WDHD1: variants seen among roughly 807,000 people sequenced by gnomAD.
WDHD1 encodes the protein WD repeat and HMG-box DNA-binding protein 1.
Under a neutral mutation model 135.4 loss-of-function variants are expected in WDHD1, and 111 were observed. The observed-to-expected ratio is 0.82, with a 90% CI of 0.70 to 0.96. The LOEUF (loss-of-function observed/expected upper bound fraction) is 0.96, where lower values mean the gene tolerates loss of function less well. WDHD1 is among the 40% of genes least tolerant of loss of function. WDHD1 has a pLI of 0.00. For missense variants in WDHD1, 1,351 were observed against 1,336.3 expected (o/e 1.01, Z -0.17); for synonymous variants, 434 against 439.0 (o/e 0.99, Z 0.14).
At chr14:54,982,018 T>C (rs2041626493) in intron 15 of WDHD1, among the ~76,000 whole-genome samples, 1 of 151,710 alleles carries the variant, frequency 6.6e-6, no homozygotes, top group Non-Finnish European at 1.5e-5. Context: ...ATTATTATTT[T>C]TTTTTTCGAG....
At chr14:54,971,567 A>G (rs2041432708) in intron 16 of WDHD1, among the ~76,000 whole-genome samples, 1 of 152,122 alleles carries the variant, frequency 6.6e-6, no homozygotes, top group African/African-American at 2.4e-5. Context: ...CACTGTTGAA[A>G]GAAACCATAG....
chr14:54,969,070 G>A (rs1313650693), intron 16 of WDHD1, among the ~76,000 whole-genome samples: 4 of 152,024 alleles, frequency 2.6e-5, no homozygotes, highest in Middle Eastern at 3.4e-3. Flanking sequence ...ACGGAGTCTC[G>A]CTTTGTTGCC....
intron 7 of WDHD1, among the ~76,000 whole-genome samples, chr14:55,003,234 G>A (rs2042004124): frequency 6.6e-6 from 1 of 152,068 alleles, no homozygotes; most frequent in Non-Finnish European, 1.5e-5. Flanking sequence ...CATGGGCTGG[G>A]TGTGGTAGCT....
rs78145109 is a variant in WDHD1, at chr14:54,999,450, G to A, written c.942+1053C>T. On this transcript the variant is annotated intron_variant, in intron 10 of 25. Coordinates refer to ENST00000360586, the MANE Select transcript of WDHD1 (RefSeq NM_007086.4). ...CCTGTTTTCAGCCCCACTTCTAGAA[G>A]CACCTAGTGCTACCAAATTCTGAAT... Among the ~76,000 whole-genome samples, 220 of 152,294 alleles carry A rather than the reference G, an allele frequency of 1.4e-3. 2 individuals carry two copies. Among genetic ancestry groups the A allele is most frequent in the Admixed American group, 0.011 (170 of 15,300 alleles).
chr14:55,013,217 A>AAAAAAAAAAAAAAAAAAAC (rs2042202296), intron 3 of WDHD1, among the ~76,000 whole-genome samples: 1 of 146,278 alleles, frequency 6.8e-6, no homozygotes, highest in African/African-American at 2.5e-5. Flanking sequence ...AAAAAAAAAA[A>AAAAAAAAAAAAAAAAAAAC]ATTGGTGGGG....
At chr14:54,978,898 G>A (rs2041571418) in intron 16 of WDHD1, among the ~76,000 whole-genome samples, 1 of 152,092 alleles carries the variant, frequency 6.6e-6, no homozygotes, top group African/African-American at 2.4e-5. Flanking sequence ...CTGCATTTGT[G>A]CCTATTTTTT....
chr14:54,983,170 A>C (rs2041645289), intron 15 of WDHD1, among the ~76,000 whole-genome samples: 1 of 152,008 alleles, frequency 6.6e-6, no homozygotes, highest in African/African-American at 2.4e-5. Context: ...CGTCAAAAAA[A>C]CCACAAACAC....
At chr14:55,001,483 G>A (rs907881616) in intron 8 of WDHD1, among the ~76,000 whole-genome samples, 3 of 151,728 alleles carry the variant, frequency 2.0e-5, no homozygotes, top group Admixed American at 1.3e-4. Flanking sequence ...AGTTGGTTTC[G>A]GATTCCTGGC....
intron 25 of WDHD1, among the ~76,000 whole-genome samples, chr14:54,942,036 G>A (rs1327248570): frequency 6.6e-6 from 1 of 152,018 alleles, no homozygotes; most frequent in African/African-American, 2.4e-5. Flanking sequence ...GGATCACGGG[G>A]TCAGGAGACT....
chr14:55,007,751 G>A (rs2042096770), intron 6 of WDHD1, among the ~76,000 whole-genome samples: 1 of 152,158 alleles, frequency 6.6e-6, no homozygotes, highest in Non-Finnish European at 1.5e-5. Flanking sequence ...GCTCAAGAAT[G>A]AAGGGAAGGA....
intron 4 of WDHD1, 93 bp from the exon 5 acceptor site, chr14:55,008,812 T>C: frequency 1.0e-6 from 1 of 988,162 alleles, no homozygotes. Flanking sequence ...TTTTTTTTTT[T>C]CTTTTTGAGA....
At chr14:55,018,897 C>T (rs8022664) in intron 2 of WDHD1, among the ~76,000 whole-genome samples, 4,878 of 152,284 alleles carry the variant, frequency 0.032, 256 homozygotes, top group African/African-American at 0.11. Flanking sequence ...GTGGCGCATG[C>T]CTGTAATCCC....
chr14:54,946,799 T>A (rs1772760971), intron 24 of WDHD1, among the ~76,000 whole-genome samples: 1 of 152,198 alleles, frequency 6.6e-6, no homozygotes, highest in Admixed American at 6.5e-5. Context: ...ACCCCAGCAC[T>A]TTGGGAAGCC....
chr14:55,013,391 A>G, intron 3 of WDHD1, 94 bp downstream of exon 3: 1 of 774,708 alleles, frequency 1.3e-6, no homozygotes, highest in South Asian at 1.8e-5. Flanking sequence ...AGATAAACAA[A>G]GGTATATCTA....
At chr14:54,996,712 G>A (rs1056152415) in intron 10 of WDHD1, among the ~76,000 whole-genome samples, 2 of 135,784 alleles carry the variant, frequency 1.5e-5, no homozygotes, top group Non-Finnish European at 3.1e-5. Context: ...TTAAGCCAAT[G>A]GAAATTTATA....
Position 54,963,144 on chromosome 14 carries a change from C to A in WDHD1, c.2339G>T (p.Arg780Leu). The A allele has an allele frequency of 2.0e-6, 3 of 1,495,872 alleles. No individual in the cohort carries two copies. Among genetic ancestry groups the A allele is most frequent in the Middle Eastern group, 2.1e-4 (1 of 4,682 alleles). 92.7% of individuals were successfully genotyped at this position (1,495,872 alleles called of 1,614,324 possible). A position where few individuals can be genotyped will look rare whatever the true frequency, so the allele number is the denominator to read the frequency against. ...CATTAGATCAGCAAGTTCCACACAA[C>A]GGAATTCTCGCTCCAGTTTACAAGA... ...ALSCKLEREF[R>L]CVELADLMTQ... Residue 780 changes from arginine to leucine, a missense_variant, in exon 19 of 26, where the codon CGT becomes CTT. Coordinates refer to ENST00000360586, the MANE Select transcript of WDHD1 (RefSeq NM_007086.4).
At chr14:55,014,809 A>G (rs933895714) in intron 2 of WDHD1, among the ~76,000 whole-genome samples, 4 of 152,194 alleles carry the variant, frequency 2.6e-5, no homozygotes, top group Admixed American at 1.3e-4. Flanking sequence ...GAGAAAGTCA[A>G]AAAGATTCAT....
chr14:55,000,077 A>T (rs1273731994), intron 10 of WDHD1, among the ~76,000 whole-genome samples: 1 of 152,238 alleles, frequency 6.6e-6, no homozygotes, highest in Non-Finnish European at 1.5e-5. Flanking sequence ...AAATAGGTAC[A>T]TCTGCCAGGC....
intron 2 of WDHD1, among the ~76,000 whole-genome samples, chr14:55,020,345 G>A (rs1298507195): frequency 6.6e-6 from 1 of 152,106 alleles, no homozygotes; most frequent in East Asian, 1.9e-4. Context: ...TGAATTCTCA[G>A]TCTTCAACCT....
Sources: allele counts gnomAD v4.1 joint callset (sites outside exome capture counted in the v4.1 genomes callset), GRCh38; gene constraint gnomAD v4.1.1; transcripts MANE v1.5; gene names NCBI Gene and HGNC (gene_info 2026-07-23, HGNC 2026-07-21).